Variants in CCDC32 observed in about 807,000 individuals in gnomAD.
CCDC32 encodes coiled-coil domain containing 32.
In CCDC32, 9 loss-of-function variants were observed where a neutral mutation model predicts 20.1. The ratio of observed to expected loss-of-function variants is 0.45; its 90% CI spans 0.27 to 0.78. The LOEUF (loss-of-function observed/expected upper bound fraction) is 0.78, where lower values mean the gene tolerates loss of function less well. CCDC32 is among the 30% of genes least tolerant of loss of function. The probability of loss-of-function intolerance (pLI) is 0.16; values close to 1 mark genes in which losing one functional copy is unlikely to be tolerated. For synonymous variants in CCDC32, 63 were observed against 79.0 expected (o/e 0.80, Z 1.07); for missense variants, 204 against 215.5 (o/e 0.95, Z 0.33).
downstream of CCDC32, among the ~76,000 whole-genome samples, chr15:40,552,127 A>G (rs1421420967): frequency 3.3e-5 from 5 of 151,960 alleles, no homozygotes; most frequent in Non-Finnish European, 7.4e-5. Flanking sequence ...ACTACACTCC[A>G]GCTTGGGTGA....
In CCDC32 at chr15:40,557,322, C is replaced by G; in HGVS notation, c.295G>C (p.Asp99His). Reference sequence around the variant, plus strand: ...GCTTGGGCCAGAGTTCGAAGCATGTCCTTGGAAGTCACTTCCTGATTTAAA... The same window carrying G: ...GCTTGGGCCAGAGTTCGAAGCATGTGCTTGGAAGTCACTTCCTGATTTAAA... ...KGLNQEVTSK[D>H]MLRTLAQAKK... The change falls in exon 3 of 4, where the codon GAC becomes CAC. Residue 99 changes from aspartate (D) to histidine (H), a missense_variant. Physicochemically the swap from Asp to His is moderately conservative, Grantham distance 81 (BLOSUM62 -1). Transcript: ENST00000416810. 1 of 1,614,010 alleles carries G rather than the reference C, an allele frequency of 6.2e-7. No individual in the cohort carries two copies. The highest frequency in any genetic ancestry group is 8.5e-7 in the Non-Finnish European group (1 of 1,179,954).
At chr15:40,528,210 C>T (rs925646555), downstream of CCDC32, among the ~76,000 whole-genome samples, 4 of 152,212 alleles carry the variant, frequency 2.6e-5, no homozygotes, top group Admixed American at 6.5e-5. Context: ...CAGTCATGTA[C>T]GTTCACACAC....
downstream of CCDC32, chr15:40,535,731 C>G: frequency 1.3e-6 from 1 of 798,854 alleles, no homozygotes; most frequent in Non-Finnish European, 1.5e-6. Context: ...TTTATTTAAT[C>G]ATTCGTTCAT....
downstream of CCDC32, chr15:40,535,157 A>T (rs1889056926): frequency 1.4e-5 from 15 of 1,107,380 alleles, no homozygotes; most frequent in Non-Finnish European, 1.7e-5. Flanking sequence ...CATCAGGAAG[A>T]TTAACGTGAC....
At chr15:40,551,946 G>A (rs1367493217), downstream of CCDC32, among the ~76,000 whole-genome samples, 1 of 151,778 alleles carries the variant, frequency 6.6e-6, no homozygotes, top group Non-Finnish European at 1.5e-5. Flanking sequence ...TGAGCCCAGA[G>A]GTTCGAGACT....
chr15:40,529,177 A>C (rs1032519628), intron 3 of CCDC32, among the ~76,000 whole-genome samples: 8 of 152,318 alleles, frequency 5.3e-5, no homozygotes, highest in Admixed American at 3.9e-4. Flanking sequence ...ACTCTCTGCC[A>C]GGGGTCTTAA....
At chr15:40,525,548 T>C (rs1894890793), downstream of CCDC32, among the ~76,000 whole-genome samples, 4 of 152,154 alleles carry the variant, frequency 2.6e-5, no homozygotes, top group Admixed American at 2.6e-4. Flanking sequence ...AAAGCCACAC[T>C]CTTTTAGACT....
chr15:40,530,475 TTC>T (rs1043879404), downstream of CCDC32, among the ~76,000 whole-genome samples: 1 of 146,524 alleles, frequency 6.8e-6, no homozygotes, highest in African/African-American at 2.5e-5. Flanking sequence ...CTCTCTCTTT[TTC>T]TCTCTCTCTC....
chr15:40,555,395 A>G (rs1890168322), intron 3 of CCDC32, among the ~76,000 whole-genome samples: 1 of 152,226 alleles, frequency 6.6e-6, no homozygotes, highest in South Asian at 2.1e-4. Flanking sequence ...TTTCTACTTG[A>G]AAATGACACA....
chr15:40,562,780 GC>G lies in CCDC32; in HGVS notation c.235del (p.Ala79HisfsTer3). 6.2e-7 allele frequency: 1 copy of G among 1,613,618 alleles called. No homozygotes were observed. Among genetic ancestry groups the G allele is most frequent in the Non-Finnish European group, 8.5e-7 (1 of 1,179,764 alleles). ...AGAGCCGTCAAACTTACCTAGAGAT[GC>G]TAAATACACTTCTGAATCCTGCAAG... is the stretch of plus-strand genomic sequence containing the variant. ...APLQDSEVYLASLEKKLRRIK... is the reference protein window; with the variant it reads ...APLQDSEVYLXSLEKKLRRIK... On this transcript the variant is annotated frameshift_variant, in exon 2 of 4. Transcript: ENST00000416810. LOFTEE classifies it high-confidence loss of function.
downstream of CCDC32, among the ~76,000 whole-genome samples, chr15:40,551,994 AT>A (rs764252386): frequency 5.5e-4 from 83 of 151,886 alleles, no homozygotes; most frequent in Non-Finnish European, 1.5e-4. Flanking sequence ...CTCTACAAAA[AT>A]TTTTTTTAAA....
downstream of CCDC32, among the ~76,000 whole-genome samples, chr15:40,533,880 C>T (rs181583035): frequency 6.6e-6 from 1 of 151,960 alleles, no homozygotes; most frequent in African/African-American, 2.4e-5. Flanking sequence ...CTGAATAACA[C>T]ATGAAGAAAT....
At chr15:40,545,336 A>G (rs1485090005) in intron 3 of CCDC32, among the ~76,000 whole-genome samples, 1 of 151,860 alleles carries the variant, frequency 6.6e-6, no homozygotes, top group African/African-American at 2.4e-5. Context: ...TTCTGCACAC[A>G]TACACACACA....
At chr15:40,522,888 C>T in the CCDC32 span, among the ~76,000 whole-genome samples, 6 of 142,698 alleles carry the variant, frequency 4.2e-5, no homozygotes, top group South Asian at 2.2e-4. Context: ...AGGGCAGTGG[C>T]GCAGTCTCAC....
downstream of CCDC32, among the ~76,000 whole-genome samples, chr15:40,524,735 CTTTCTT>C (rs1894877807): frequency 5.0e-5 from 4 of 79,892 alleles, no homozygotes; most frequent in African/African-American, 2.6e-4. Context: ...TGTTCTTTTT[CTTTCTT>C]TTTTTTTTTT....
downstream of CCDC32, among the ~76,000 whole-genome samples, chr15:40,525,178 C>T (rs556740169): frequency 5.3e-5 from 8 of 152,252 alleles, no homozygotes; most frequent in Admixed American, 1.3e-4. Context: ...CAGGCGCCTG[C>T]CACTGTGCTT....
At chr15:40,562,466 G>A (rs1203902148) in intron 2 of CCDC32, among the ~76,000 whole-genome samples, 1 of 152,152 alleles carries the variant, frequency 6.6e-6, no homozygotes, top group Non-Finnish European at 1.5e-5. Flanking sequence ...TGTAATCCCA[G>A]CTACTCGGTA....
Position 40,539,460 on chromosome 15 carries a change from A to G in CCDC32, c.402-105T>C, listed in dbSNP as rs1462567505. 4 of 1,003,904 alleles carry G rather than the reference A, an allele frequency of 4.0e-6. No individual in the cohort carries two copies. The East Asian group carries it at 1.0e-4, about 26-fold the overall frequency. The allele number at this position is 1,003,904 out of a possible 1,614,324, so 62.2% of individuals were successfully genotyped here. A position where few individuals can be genotyped will look rare whatever the true frequency, so the allele number is the denominator to read the frequency against. ...GAGACAGGCATACATAGGAGCACCG[A>G]GAGTGCGAAGGTGCGAGGAAGTGAG... On this transcript the variant is annotated intron_variant, in intron 3 of 3. Transcript: ENST00000558113.
At chr15:40,563,949 T>C (rs1038475617) in intron 1 of CCDC32, among the ~76,000 whole-genome samples, 4 of 151,904 alleles carry the variant, frequency 2.6e-5, no homozygotes, top group Admixed American at 6.6e-5. Flanking sequence ...GCCTCCCAAA[T>C]AGCTGGGACT....
Sources: gnomAD v4.1 joint callset for allele counts (sites outside exome capture counted in the v4.1 genomes callset) on GRCh38, gnomAD v4.1.1 for gene constraint, MANE v1.5 for transcripts, NCBI Gene and HGNC (gene_info 2026-07-23, HGNC 2026-07-21) for gene names.